IL17REL: variants seen among roughly 807,000 people sequenced by gnomAD.
IL17REL encodes interleukin 17 receptor E like.
In IL17REL, 36 loss-of-function variants were observed where a neutral mutation model predicts 49.0. That is an observed-to-expected ratio of 0.73 (90% confidence interval 0.56 to 0.97). IL17REL has a LOEUF of 0.97. Ranked by LOEUF, IL17REL falls within the 50% of genes least tolerant of loss-of-function variation. IL17REL has a pLI of 0.00. For missense variants in IL17REL, 470 were observed against 453.9 expected, an observed-to-expected ratio of 1.04 and a Z score of -0.32; for synonymous variants, 206 against 192.4, an observed-to-expected ratio of 1.07 and a Z score of -0.58.
At chr22:50,001,307 G>A (rs769835664) in intron 1 of IL17REL, 76 bp from the exon 3 acceptor site, 1 of 645,478 alleles carries the variant, frequency 1.5e-6, no homozygotes, top group Non-Finnish European at 2.7e-6. Flanking sequence ...TCTGGGAAGG[G>A]GGAGAGAGCC....
chr22:50,001,200 G>T (rs779163219), exon 2 of IL17REL: 2 of 1,545,584 alleles, frequency 1.3e-6, no homozygotes, highest in Non-Finnish European at 1.8e-6. Flanking sequence ...TGGACACGGG[G>T]CGTGGCCGGC....
chr22:49,993,893 G>C (rs1442973486), downstream of IL17REL, among the ~76,000 whole-genome samples: 1 of 152,236 alleles, frequency 6.6e-6, no homozygotes. The surrounding 1 kb of genome is among the most constrained non-coding windows in gnomAD (Gnocchi z 6.0). Flanking sequence ...CCTGGGGCGG[G>C]GACTGCCCTG....
chr22:49,992,420 C>A (rs1289975184), downstream of IL17REL, among the ~76,000 whole-genome samples: 1 of 152,120 alleles, frequency 6.6e-6, no homozygotes, highest in Non-Finnish European at 1.5e-5. Context: ...CAGGGACCAC[C>A]CTATTTTTGA....
chr22:50,009,290 A>G (rs2061125875), upstream of IL17REL, among the ~76,000 whole-genome samples: 1 of 151,990 alleles, frequency 6.6e-6, no homozygotes, highest in Admixed American at 6.5e-5. Context: ...CTCCTGATTT[A>G]TGATCATCCC....
At chr22:49,995,701 AG>A (rs1364279916) in exon 13 of IL17REL, 1 of 152,194 alleles carries the variant, frequency 6.6e-6, no homozygotes, top group African/African-American at 2.4e-5. Context: ...AGGGAAGGGG[AG>A]GGGGCTGCCC....
chr22:50,006,026 G>T (rs1037339236), intron 1 of IL17REL, among the ~76,000 whole-genome samples: 3 of 151,988 alleles, frequency 2.0e-5, no homozygotes, highest in Non-Finnish European at 4.4e-5. Context: ...GAGGAAAGCA[G>T]GGCGTAGGAG....
Position 49,996,984 on chromosome 22 carries a change from C to T in IL17REL, c.*44+10G>A, listed in dbSNP as rs1227185150. On this transcript the variant is annotated intron_variant, in intron 12 of 12. Transcript: ENST00000341280. ...GATGGCTAGGGGCTGGGCACAGCAG[C>T]GACACCCACCTGGATGCAGATGCCT... The T allele has an allele frequency of 5.0e-5, 72 of 1,432,252 alleles. 1 individual carries two copies. Among genetic ancestry groups the T allele is most frequent in the South Asian group, 1.8e-4 (14 of 75,878 alleles). 88.7% of individuals were successfully genotyped at this position (1,432,252 alleles called of 1,614,324 possible). A position where few individuals can be genotyped will look rare whatever the true frequency, so the allele number is the denominator to read the frequency against.
intron 5 of IL17REL, 144 bp downstream of exon 7, chr22:49,999,684 T>C: frequency 1.7e-5 from 3 of 179,668 alleles, no homozygotes; most frequent in Non-Finnish European, 1.6e-5. Flanking sequence ...GGCGCGGAGG[T>C]GGGTGGGGCC....
At chr22:50,000,520 G>A (rs2096439681) in exon 4 of IL17REL, 1 of 1,613,532 alleles carries the variant, frequency 6.2e-7, no homozygotes, top group Non-Finnish European at 8.5e-7. Flanking sequence ...CCGCAGAAAT[G>A]AGGGATGGTC....
At chr22:49,993,291 G>C (rs1174339012), downstream of IL17REL, among the ~76,000 whole-genome samples, 1 of 152,210 alleles carries the variant, frequency 6.6e-6, no homozygotes, top group Non-Finnish European at 1.5e-5. The surrounding 1 kb of genome is among the most constrained non-coding windows in gnomAD (Gnocchi z 6.0). Flanking sequence ...GTGTTATACT[G>C]TGGCCCAGAT....
chr22:50,010,483 G>A (rs942585236), upstream of IL17REL, among the ~76,000 whole-genome samples: 1 of 152,348 alleles, frequency 6.6e-6, no homozygotes, highest in Non-Finnish European at 1.5e-5. Flanking sequence ...GGGCAGTGGC[G>A]TGGGTCCCCG....
chr22:50,000,707 C>T lies in IL17REL; in HGVS notation c.219+47G>A, dbSNP rs374045133. The T allele has an allele frequency of 8.6e-5, 132 of 1,543,606 alleles. 1 individual carries two copies. The Admixed American group carries it at 1.3e-3, about 15-fold the overall frequency. The stretch of plus-strand genomic sequence containing the variant: ...CAGGGATGGCGCCCAGGAGGAGTGG[C>T]GCCCAGTCTTCGGGACTTGGGTGGC... On this transcript the variant is annotated intron_variant, in intron 3 of 12. Coordinates refer to ENST00000341280, the Ensembl canonical transcript of IL17REL.
At chr22:50,000,650 C>A in intron 3 of IL17REL, 58 bp from the exon 5 acceptor site, 1 of 1,557,702 alleles carries the variant, frequency 6.4e-7, no homozygotes, top group Non-Finnish European at 8.8e-7. Flanking sequence ...CCCCACCCGG[C>A]CAGCTCCACT....
chr22:50,001,005 T>C (rs957713085), intron 2 of IL17REL, 77 bp downstream of exon 3: 21 of 1,310,736 alleles, frequency 1.6e-5, no homozygotes, highest in Middle Eastern at 3.9e-4. Flanking sequence ...CGCCCAAGGT[T>C]TGATGGGAAT....
rs1277372338 is a variant in IL17REL, at chr22:49,999,986, C to T, written c.335-19G>A. ...TTCCCCGCTGCAGGAGGCGGCAAGTCGGGGCCGCGCTGGGACCAGCGGTCA... is the reference window on the plus strand; with the variant it reads ...TTCCCCGCTGCAGGAGGCGGCAAGTTGGGGCCGCGCTGGGACCAGCGGTCA... On this transcript the variant is annotated intron_variant, in intron 4 of 12. Transcript: ENST00000341280. The T allele has an allele frequency of 2.0e-6, 3 of 1,491,054 alleles. No individual in the cohort carries two copies. Among genetic ancestry groups the T allele is most frequent in the African/African-American group, 1.4e-5 (1 of 69,702 alleles). The allele number at this position is 1,491,054 out of a possible 1,614,324, so 92.4% of individuals were successfully genotyped here. A position where few individuals can be genotyped will look rare whatever the true frequency, so the allele number is the denominator to read the frequency against.
intron 7 of IL17REL, among the ~76,000 whole-genome samples, chr22:49,998,664 T>G (rs1359287445): frequency 1.4e-5 from 2 of 146,582 alleles, no homozygotes; most frequent in Non-Finnish European, 3.0e-5. Context: ...GTGTCATGGG[T>G]ATGGGTGTGC....
chr22:50,002,396 G>T (rs1274848459), intron 1 of IL17REL, among the ~76,000 whole-genome samples: 1 of 152,092 alleles, frequency 6.6e-6, no homozygotes, highest in Non-Finnish European at 1.5e-5. Flanking sequence ...ACAACTGACG[G>T]TTGAGACCTT....
intron 1 of IL17REL, among the ~76,000 whole-genome samples, chr22:50,005,281 A>G (rs535422179): frequency 1.3e-5 from 2 of 152,308 alleles, no homozygotes; most frequent in South Asian, 4.1e-4. Flanking sequence ...TTAGCAATAA[A>G]TATGTTTTGC....
Position 50,001,080 on chromosome 22 carries a change from A to G in IL17REL, c.109+2T>C. ...ACTCCCACCCTCGAGGCCACCTCTC[A>G]CCATGCAGGGTGATGGAGGCGCGTA... is the stretch of plus-strand genomic sequence containing the variant. On this transcript the variant is annotated splice_donor_variant, in intron 2 of 12. Transcript: ENST00000341280. LOFTEE classifies it high-confidence loss of function. The G allele has an allele frequency of 6.3e-7, 1 of 1,577,192 alleles. No individual in the cohort carries two copies. Among genetic ancestry groups the G allele is most frequent in the Non-Finnish European group, 8.6e-7 (1 of 1,161,010 alleles).
Sources: gnomAD v4.1 joint callset for allele counts (sites outside exome capture counted in the v4.1 genomes callset) on GRCh38, gnomAD v4.1.1 for gene constraint, Gnocchi (gnomAD v3.1) non-coding constraint, MANE v1.5 for transcripts, NCBI Gene and HGNC (gene_info 2026-07-23, HGNC 2026-07-21) for gene names.